The following DNAJC15 variants were observed in gnomAD, a reference collection of about 807,000 sequenced individuals.
DNAJC15 encodes dnaJ homolog subfamily C member 15.
A neutral mutation model predicts 22.4 loss-of-function variants in DNAJC15; 27 were observed. The ratio of observed to expected loss-of-function variants is 1.20; its 90% confidence interval spans 0.89 to 1.66. The LOEUF (loss-of-function observed/expected upper bound fraction) is 1.66, where lower values mean the gene tolerates loss of function less well. DNAJC15 is among the 40% of genes most tolerant of loss of function. DNAJC15 has a pLI of 0.00. For synonymous variants in DNAJC15, 79 were observed against 63.2 expected (o/e 1.25, Z -1.19); for missense variants, 208 against 187.1 (o/e 1.11, Z -0.65).
At chr13:43,033,194 T>G (rs928941346) in intron 1 of DNAJC15, among the ~76,000 whole-genome samples, 1 of 152,202 alleles carries the variant, frequency 6.6e-6, no homozygotes, top group Admixed American at 6.5e-5. Flanking sequence ...AAAGTGAGAT[T>G]TGCTGAGGGA....
intron 3 of DNAJC15, among the ~76,000 whole-genome samples, chr13:43,075,865 T>C (rs1321208857): frequency 6.6e-6 from 1 of 152,154 alleles, no homozygotes; most frequent in African/African-American, 2.4e-5. Flanking sequence ...GGTTTCACTG[T>C]GTTGGCCAGG....
At chr13:43,082,079 C>T (rs1415061534) in intron 4 of DNAJC15, among the ~76,000 whole-genome samples, 2 of 152,084 alleles carry the variant, frequency 1.3e-5, no homozygotes, top group Non-Finnish European at 2.9e-5. Context: ...ACCGGTTCCC[C>T]TCCCATGACA....
intron 1 of DNAJC15, among the ~76,000 whole-genome samples, chr13:43,065,440 G>A (rs749904287): frequency 6.6e-6 from 1 of 152,094 alleles, no homozygotes; most frequent in Non-Finnish European, 1.5e-5. Flanking sequence ...AAAGCTCTGG[G>A]TTAGAGTGGA....
intron 3 of DNAJC15, among the ~76,000 whole-genome samples, chr13:43,074,352 T>A (rs1048334310): frequency 6.6e-6 from 1 of 152,226 alleles, no homozygotes; most frequent in Non-Finnish European, 1.5e-5. Flanking sequence ...TTCTGTCATT[T>A]ATATATACAA....
intron 5 of DNAJC15, among the ~76,000 whole-genome samples, chr13:43,094,666 ATATAC>A (rs1175551557): frequency 1.3e-5 from 2 of 152,144 alleles, no homozygotes; most frequent in African/African-American, 4.8e-5. Flanking sequence ...AGAATTTGGT[ATATAC>A]TTAGAGGGAA....
intron 1 of DNAJC15, among the ~76,000 whole-genome samples, chr13:43,061,421 G>A (rs556558960): frequency 4.6e-5 from 7 of 152,052 alleles, no homozygotes; most frequent in Admixed American, 2.0e-4. Flanking sequence ...CAGCATAAGC[G>A]TTGTCCTGAG....
rs919216486 is a variant in DNAJC15, at chr13:43,112,119, TC to T, written c.*4874del. On this transcript the variant is annotated 3_prime_UTR_variant, in exon 6 of 6. Transcript: ENST00000379221. ...TTTTTATGAGCTGAGTAGCTATTGT[TC>T]CCAGCTGAGTGCTCTTTTCCTCTTT... 5.9e-5 allele frequency: 9 copies of T among 152,234 alleles called. No homozygotes were observed. Among genetic ancestry groups the T allele is most frequent in the African/African-American group, 2.2e-4 (9 of 41,478 alleles). The allele number at this position is 152,234 out of a possible 1,614,324, so 9.4% of individuals were successfully genotyped here.
At position 43,100,552 on chromosome 13, in the gene DNAJC15, C is replaced by G. The variant is rs565075318; in HGVS notation, c.383-6626C>G. 1.2e-4 allele frequency among the ~76,000 whole-genome samples: 18 copies of G among 152,192 alleles called. No homozygotes were observed. In the South Asian group the frequency reaches 3.5e-3, roughly 30 times the overall value. On this transcript the variant is annotated intron_variant, in intron 5 of 5. Transcript: ENST00000379221. ...CATAGACATTTATAGCAATAAATTT[C>G]TCTGCACTGCTATCGCTGTGTCCCA...
rs553049091 is a variant in DNAJC15, at chr13:43,049,594, GTTATT to G, written c.109-16084_109-16080del. Among the ~76,000 whole-genome samples the G allele has an allele frequency of 9.8e-5, 15 of 152,310 alleles. No individual in the cohort carries two copies. The South Asian group carries it at 2.9e-3, about 29-fold the overall frequency. On this transcript the variant is annotated intron_variant, in intron 1 of 5. Transcript: ENST00000379221. ...TCAGAAACCCCAGTGTGTTTTAGAT[GTTATT>G]TTATTTTTAAAATTAAAGCCAAAGA...
At chr13:43,067,935 C>G (rs2040591398) in intron 2 of DNAJC15, among the ~76,000 whole-genome samples, 1 of 152,116 alleles carries the variant, frequency 6.6e-6, no homozygotes, top group Non-Finnish European at 1.5e-5. Flanking sequence ...TTAATGTTCT[C>G]CTTTATCTCA....
rs116057615 is a variant in DNAJC15 at position 43,037,936 on chromosome 13, A to G, written c.108+14202A>G. ...CGTTTTAATGAAAATATTCTTTTTT[A>G]TAGCCTGCTTTTATTCTGTACTTAA... On this transcript the variant is annotated intron_variant, in intron 1 of 5. Coordinates refer to ENST00000379221, the MANE Select transcript of DNAJC15 (RefSeq NM_013238.3). 5.0e-3 allele frequency among the ~76,000 whole-genome samples: 756 copies of G among 152,334 alleles called. 6 individuals carry two copies. The highest frequency in any genetic ancestry group is 0.017 in the African/African-American group (687 of 41,588).
intron 1 of DNAJC15, among the ~76,000 whole-genome samples, chr13:43,044,171 A>AGT (rs1208259396): frequency 6.6e-6 from 1 of 152,090 alleles, no homozygotes; most frequent in Non-Finnish European, 1.5e-5. Context: ...AAATTCAAAG[A>AGT]GTTTTCTTTG....
chr13:43,025,730 C>T (rs191903052), intron 1 of DNAJC15, among the ~76,000 whole-genome samples: 75 of 152,206 alleles, frequency 4.9e-4, no homozygotes, highest in African/African-American at 1.4e-3. Context: ...AGGGCAAAAC[C>T]GTGTCTCTAC....
At chr13:43,077,164 A>G (rs918605464) in intron 3 of DNAJC15, among the ~76,000 whole-genome samples, 12 of 152,366 alleles carry the variant, frequency 7.9e-5, no homozygotes, top group African/African-American at 2.6e-4. Context: ...TAAACTTAGT[A>G]TATCCGAAAT....
chr13:43,065,068 T>A (rs2040577380), intron 1 of DNAJC15, among the ~76,000 whole-genome samples: 1 of 152,188 alleles, frequency 6.6e-6, no homozygotes, highest in Admixed American at 6.5e-5. Context: ...CTGAGATGTT[T>A]AAGGAGAAAA....
chr13:43,079,746 A>C (rs912665119), intron 4 of DNAJC15, among the ~76,000 whole-genome samples: 2 of 152,162 alleles, frequency 1.3e-5, no homozygotes, highest in Non-Finnish European at 2.9e-5. Context: ...GTTTTTGAGG[A>C]TATCCTTTAA....
chr13:43,102,052 A>G (rs1286537312), intron 5 of DNAJC15, among the ~76,000 whole-genome samples: 2 of 152,214 alleles, frequency 1.3e-5, no homozygotes, highest in Non-Finnish European at 2.9e-5. Context: ...CCAGCAGTGT[A>G]TCAGTGTTCC....
At chr13:43,063,085 C>T (rs2153440745) in intron 1 of DNAJC15, among the ~76,000 whole-genome samples, 1 of 152,298 alleles carries the variant, frequency 6.6e-6, no homozygotes, top group African/African-American at 2.4e-5. Flanking sequence ...TCTCAGCTCA[C>T]TGCGACCTCC....
At chr13:43,039,553 T>C (rs1477497557) in intron 1 of DNAJC15, among the ~76,000 whole-genome samples, 2 of 152,118 alleles carry the variant, frequency 1.3e-5, no homozygotes, top group Non-Finnish European at 2.9e-5. Context: ...TTTGAAGACA[T>C]AGGCAAAATA....
Sources: gnomAD v4.1 joint callset for allele counts (sites outside exome capture counted in the v4.1 genomes callset) on GRCh38, gnomAD v4.1.1 for gene constraint, MANE v1.5 for transcripts, NCBI Gene and HGNC (gene_info 2026-07-23, HGNC 2026-07-21) for gene names.